PALD1: variants seen among roughly 807,000 people sequenced by gnomAD.
PALD1 encodes paladin.
PALD1 carries 57 observed loss-of-function variants against 96.0 expected under a neutral mutation model. The ratio of observed to expected loss-of-function variants is 0.59; its 90% CI spans 0.48 to 0.74. The LOEUF (loss-of-function observed/expected upper bound fraction) is 0.74. Ranked by LOEUF, PALD1 falls within the 30% of genes least tolerant of loss-of-function variation. The pLI, the probability that PALD1 is intolerant of heterozygous loss-of-function variation, is 0.00. For synonymous variants in PALD1, 464 were observed against 473.6 expected (o/e 0.98, Z 0.26); for missense variants, 1,063 against 1,143.7 (o/e 0.93, Z 1.02).
At position 70,560,965 on chromosome 10, in the gene PALD1, G is replaced by A. The variant is rs577669931; in HGVS notation, c.2263-3399G>A. The stretch of plus-strand genomic sequence containing the variant: ...GGGGGACGGTGTTAAGGAAACCAGG[G>A]CCTTGATAGGAAGATGGGCAATTGT... On this transcript the variant is annotated intron_variant, in intron 18 of 19. Coordinates refer to ENST00000263563, the MANE Select transcript of PALD1 (RefSeq NM_014431.3). Among the ~76,000 whole-genome samples the A allele has an allele frequency of 3.3e-5, 5 of 152,260 alleles. No homozygotes were observed. The South Asian group carries it at 1.0e-3, about 32-fold the overall frequency.
chr10:70,524,944 C>T (rs1333516289), intron 1 of PALD1, among the ~76,000 whole-genome samples: 2 of 152,132 alleles, frequency 1.3e-5, no homozygotes, highest in East Asian at 1.9e-4. Flanking sequence ...GGGTGCCCGG[C>T]GTTCTTCAAG....
chr10:70,534,699 CCCCCACCT>C, intron 9 of PALD1, 32 bp from the exon 10 acceptor site: 1 of 1,305,644 alleles, frequency 7.7e-7, no homozygotes, highest in Non-Finnish European at 1.1e-6. Context: ...GCTCCCCACC[CCCCCACCT>C]CCCTCTTACT....
intron 1 of PALD1, among the ~76,000 whole-genome samples, chr10:70,484,610 G>A (rs1845987244): frequency 6.6e-6 from 1 of 151,554 alleles, no homozygotes; most frequent in Admixed American, 6.6e-5. Context: ...CGTGATCTCA[G>A]CTCACTCAAG....
chr10:70,499,693 G>T (rs890566380), intron 1 of PALD1, among the ~76,000 whole-genome samples: 1 of 152,202 alleles, frequency 6.6e-6, no homozygotes, highest in Non-Finnish European at 1.5e-5. Context: ...TTGCTCCCCT[G>T]CCCGAAGCTG....
intron 1 of PALD1, among the ~76,000 whole-genome samples, chr10:70,492,145 T>C (rs1846109188): frequency 6.6e-6 from 1 of 152,186 alleles, no homozygotes; most frequent in African/African-American, 2.4e-5. Context: ...ATATGGTAAG[T>C]CTTTGTTTAA....
At chr10:70,500,047 T>A (rs1846264834) in intron 1 of PALD1, among the ~76,000 whole-genome samples, 1 of 152,146 alleles carries the variant, frequency 6.6e-6, no homozygotes, top group Admixed American at 6.5e-5. Flanking sequence ...CTGACAGGTG[T>A]TGAAGCATAG....
chr10:70,532,309 C>T (rs368912732), intron 5 of PALD1, among the ~76,000 whole-genome samples: 1 of 152,348 alleles, frequency 6.6e-6, no homozygotes, highest in East Asian at 1.9e-4. Context: ...TCCAGGCCTC[C>T]TGTGTGCTCT....
chr10:70,566,308 G>T (rs769530587), intron 19 of PALD1, among the ~76,000 whole-genome samples: 24 of 152,202 alleles, frequency 1.6e-4, no homozygotes, highest in Non-Finnish European at 2.9e-4. Flanking sequence ...GGCCCAGTGT[G>T]TGCCTGGCCT....
chr10:70,469,313 A>G, the PALD1 span, among the ~76,000 whole-genome samples: 1 of 152,224 alleles, frequency 6.6e-6, no homozygotes, highest in Non-Finnish European at 1.5e-5. Context: ...GGCTGGGCGG[A>G]GCCTGGGAGT....
chr10:70,507,761 G>GTGTA (rs1846421378), intron 1 of PALD1, among the ~76,000 whole-genome samples: 1 of 67,966 alleles, frequency 1.5e-5, no homozygotes, highest in Non-Finnish European at 3.5e-5. Context: ...GTGTGTGTGT[G>GTGTA]TGTGTGTGTG....
At chr10:70,479,461 G>C (rs1355161677) in intron 1 of PALD1, among the ~76,000 whole-genome samples, 1 of 152,212 alleles carries the variant, frequency 6.6e-6, no homozygotes, top group East Asian at 1.9e-4. Flanking sequence ...TCTAGGGGGC[G>C]TGAGGCCCTC....
At chr10:70,506,321 A>G (rs1846389666) in intron 1 of PALD1, among the ~76,000 whole-genome samples, 1 of 152,120 alleles carries the variant, frequency 6.6e-6, no homozygotes, top group Admixed American at 6.5e-5. Context: ...CACCCCCTTC[A>G]TGGCTTTTGA....
In PALD1 at chr10:70,485,172, A is replaced by AAT. The variant is rs1554853505; in HGVS notation, c.-30+6113_-30+6114insAT. ...AATGTTATCTTATTATTAAAGTTAAATTTTTTTTTTTTACTATTTTTCAAA... is the reference window on the plus strand; with the variant it reads ...AATGTTATCTTATTATTAAAGTTAAAATTTTTTTTTTTTTACTATTTTTCAAA... On this transcript the variant is annotated intron_variant, in intron 1 of 19. Coordinates refer to ENST00000263563, the MANE Select transcript of PALD1 (RefSeq NM_014431.3). Among the ~76,000 whole-genome samples, 817 of 150,228 alleles carry AAT rather than the reference A, an allele frequency of 5.4e-3. 5 individuals carry two copies. The highest frequency in any genetic ancestry group is 0.015 in the South Asian group (72 of 4,778).
chr10:70,473,499 T>C, the PALD1 span, among the ~76,000 whole-genome samples: 1 of 152,158 alleles, frequency 6.6e-6, no homozygotes, highest in Non-Finnish European at 1.5e-5. Context: ...AAATGATCCT[T>C]CTTTTTTTGT....
chr10:70,544,380 C>A (rs753287239), intron 17 of PALD1, among the ~76,000 whole-genome samples: 1 of 152,048 alleles, frequency 6.6e-6, no homozygotes, highest in Non-Finnish European at 1.5e-5. Context: ...GAGGTTTGCA[C>A]TATGTGTTTG....
At chr10:70,473,139 C>T in the PALD1 span, among the ~76,000 whole-genome samples, 1 of 152,160 alleles carries the variant, frequency 6.6e-6, no homozygotes. Flanking sequence ...TTGAATGCAC[C>T]CACGTCTCCC....
intron 5 of PALD1, 80 bp from the exon 6 acceptor site, chr10:70,532,541 A>T: frequency 6.9e-7 from 1 of 1,439,962 alleles, no homozygotes; most frequent in Non-Finnish European, 9.6e-7. Context: ...TGGTCTGGTC[A>T]CTCCAGAGCT....
At position 70,541,189 on chromosome 10, in the gene PALD1, G is replaced by A. The variant is rs762488126; in HGVS notation, c.1996G>A (p.Gly666Ser). ...CGTGTTCAGCTGCCTCAGCGGCCAGGGCCGTACCACAACTGCGATGGTGGT... is the reference window on the plus strand; with the variant it reads ...CGTGTTCAGCTGCCTCAGCGGCCAGAGCCGTACCACAACTGCGATGGTGGT... ...GFVFSCLSGQ[G>S]RTTTAMVVAV... is the part of the protein sequence containing the mutation. Residue 666 changes from glycine to serine, a missense_variant, in exon 16 of 20, where the codon GGC becomes AGC. By Grantham distance (56) the Gly-to-Ser change is moderately conservative. Transcript: ENST00000263563. The A allele has an allele frequency of 1.2e-6, 2 of 1,613,990 alleles. No individual in the cohort carries two copies. Among genetic ancestry groups the A allele is most frequent in the Admixed American group, 1.7e-5 (1 of 59,992 alleles).
At chr10:70,495,944 A>C (rs547847900) in intron 1 of PALD1, among the ~76,000 whole-genome samples, 1 of 151,942 alleles carries the variant, frequency 6.6e-6, no homozygotes, top group African/African-American at 2.4e-5. Context: ...CTGGGAGGTC[A>C]AGGCTGCAGT....
Sources: gnomAD v4.1 joint callset for allele counts (sites outside exome capture counted in the v4.1 genomes callset) on GRCh38, gnomAD v4.1.1 for gene constraint, MANE v1.5 for transcripts, NCBI Gene and HGNC (gene_info 2026-07-23, HGNC 2026-07-21) for gene names.